PROS1: variants seen among roughly 807,000 people sequenced by gnomAD.
PROS1 encodes vitamin K-dependent protein S.
PROS1 carries 29 observed loss-of-function variants against 75.9 expected under a neutral mutation model. That is an observed-to-expected ratio of 0.38 (90% CI 0.28 to 0.52). PROS1 has a LOEUF of 0.52. PROS1 is among the 20% of genes least tolerant of loss of function. The pLI is 0.83. For synonymous variants in PROS1, 245 were observed against 280.6 expected (o/e 0.87, Z 1.27); for missense variants, 680 against 810.3 (o/e 0.84, Z 1.95).
chr3:93,952,698 A>G (rs1709523392), intron 1 of PROS1, among the ~76,000 whole-genome samples: 2 of 152,208 alleles, frequency 1.3e-5, no homozygotes. Context: ...CACATTCAAA[A>G]GCTAGCAGAA....
intron 2 of PROS1, among the ~76,000 whole-genome samples, chr3:93,926,208 T>C (rs994830100): frequency 6.6e-6 from 1 of 152,180 alleles, no homozygotes; most frequent in African/African-American, 2.4e-5. Context: ...TTGATTATTA[T>C]TAAAGGGGTG....
Position 93,973,762 on chromosome 3 carries a change from G to T in PROS1, c.-13C>A, listed in dbSNP as rs757989356. 17 of 1,607,880 alleles carry T rather than the reference G, an allele frequency of 1.1e-5. No homozygotes were observed. The highest frequency in any genetic ancestry group is 1.4e-5 in the Non-Finnish European group (16 of 1,177,326). ...CCAGGACCCTCATTTCGAAGCGCGC[G>T]GAGGCGCCGGCAGGGACGGTGGCGC... On this transcript the variant is annotated 5_prime_UTR_variant, in exon 1 of 15. Transcript: ENST00000394236.
chr3:93,912,567 C>A (rs1044854356), intron 3 of PROS1, among the ~76,000 whole-genome samples: 7 of 152,142 alleles, frequency 4.6e-5, no homozygotes, highest in Non-Finnish European at 1.0e-4. Context: ...GTTTCTGGAG[C>A]CCCTATCTGA....
At chr3:93,941,126 G>T (rs190294725) in intron 1 of PROS1, among the ~76,000 whole-genome samples, 30 of 152,192 alleles carry the variant, frequency 2.0e-4, no homozygotes, top group Admixed American at 1.4e-3. Context: ...AGGCTTCAGG[G>T]ACAGCCCTCA....
At chr3:93,905,212 T>C (rs759445410) in intron 6 of PROS1, among the ~76,000 whole-genome samples, 1 of 152,240 alleles carries the variant, frequency 6.6e-6, no homozygotes, top group Non-Finnish European at 1.5e-5. Context: ...AAGACTTGCA[T>C]TGAAACATCA....
At chr3:93,971,221 TG>T (rs1709875956) in intron 1 of PROS1, among the ~76,000 whole-genome samples, 1 of 151,484 alleles carries the variant, frequency 6.6e-6, no homozygotes, top group Non-Finnish European at 1.5e-5. Context: ...GCATGCCAGC[TG>T]GTGCAATACC....
At chr3:93,937,912 CT>C (rs955046281) in intron 1 of PROS1, among the ~76,000 whole-genome samples, 1 of 152,118 alleles carries the variant, frequency 6.6e-6, no homozygotes, top group Non-Finnish European at 1.5e-5. Flanking sequence ...AGGAAGAACC[CT>C]TTTGCCTAAA....
chr3:93,953,772 A>G (rs1709549004), intron 1 of PROS1, among the ~76,000 whole-genome samples: 1 of 152,310 alleles, frequency 6.6e-6, no homozygotes, highest in Middle Eastern at 3.4e-3. Flanking sequence ...AATTAGGAAA[A>G]GAGGAAGTCC....
At chr3:93,943,907 C>A (rs1709336238) in intron 1 of PROS1, among the ~76,000 whole-genome samples, 1 of 152,200 alleles carries the variant, frequency 6.6e-6, no homozygotes, top group South Asian at 2.1e-4. Context: ...ACCCTTTTGA[C>A]TGTAATTTTC....
chr3:93,900,049 A>C lies in PROS1; in HGVS notation c.727+755T>G, dbSNP rs1708565547. On this transcript the variant is annotated intron_variant, in intron 7 of 14. Coordinates refer to ENST00000394236, the MANE Select transcript of PROS1 (RefSeq NM_000313.4). ...TACAATAGAAAAATTAGTGTTGATT[A>C]GTTCCAGCCATGGCAGTAAATCTGT... Among the ~76,000 whole-genome samples the C allele has an allele frequency of 2.6e-5, 4 of 152,232 alleles. No individual in the cohort carries two copies. The South Asian group carries it at 8.3e-4, about 31-fold the overall frequency.
At chr3:93,898,272 A>G (rs531614035) in intron 8 of PROS1, among the ~76,000 whole-genome samples, 176 bp downstream of exon 8, 4 of 152,160 alleles carry the variant, frequency 2.6e-5, no homozygotes, top group Admixed American at 2.6e-4. Flanking sequence ...ATTATCCCCA[A>G]TGTTTATGAC....
At chr3:93,960,151 A>C (rs1477809504) in intron 1 of PROS1, among the ~76,000 whole-genome samples, 2 of 151,810 alleles carry the variant, frequency 1.3e-5, no homozygotes, top group Non-Finnish European at 2.9e-5. Flanking sequence ...AACTATTTGA[A>C]CTATAAGCAG....
At chr3:93,922,163 A>C (rs1245821490) in intron 3 of PROS1, among the ~76,000 whole-genome samples, 2 of 152,308 alleles carry the variant, frequency 1.3e-5, no homozygotes, top group Admixed American at 1.3e-4. Context: ...TCTTTAGAGA[A>C]GATTTGAAGG....
At chr3:93,962,281 C>T (rs572688709) in intron 1 of PROS1, among the ~76,000 whole-genome samples, 4 of 152,086 alleles carry the variant, frequency 2.6e-5, no homozygotes, top group East Asian at 3.9e-4. Context: ...GACAACCCAC[C>T]GATTTCTTCA....
rs558270781 is a variant in PROS1 at position 93,950,848 on chromosome 3, T to C, written c.76+22826A>G. 2.3e-3 allele frequency among the ~76,000 whole-genome samples: 343 copies of C among 151,986 alleles called. 1 individual carries two copies. The highest frequency in any genetic ancestry group is 7.8e-3 in the African/African-American group (324 of 41,432). On this transcript the variant is annotated intron_variant, in intron 1 of 14. Transcript: ENST00000394236. Reference sequence around the variant, plus strand: ...CTGGATGGACAATGACTTTGATGAGTTGAGAGAAGGCTTCAGACGATCAGT... The same window carrying C: ...CTGGATGGACAATGACTTTGATGAGCTGAGAGAAGGCTTCAGACGATCAGT...
At chr3:93,944,367 T>C (rs1417879625) in intron 1 of PROS1, among the ~76,000 whole-genome samples, 1 of 152,128 alleles carries the variant, frequency 6.6e-6, no homozygotes, top group Non-Finnish European at 1.5e-5. Flanking sequence ...AAAATATACA[T>C]TCTTCTCAGC....
rs530733031 is a variant in PROS1, at chr3:93,949,156, G to A, written c.77-21749C>T. 6.6e-5 allele frequency among the ~76,000 whole-genome samples: 10 copies of A among 152,276 alleles called. No homozygotes were observed. The East Asian group carries it at 1.9e-3, about 29-fold the overall frequency. On this transcript the variant is annotated intron_variant, in intron 1 of 14. Transcript: ENST00000394236. ...GTCCTTAAAGTCTCAGTAAGGGCCA[G>A]GACCAAGAATCATTCTCATCAACAT...
intron 1 of PROS1, among the ~76,000 whole-genome samples, chr3:93,954,561 A>G (rs1392112561): frequency 6.6e-6 from 1 of 152,198 alleles, no homozygotes; most frequent in African/African-American, 2.4e-5. Context: ...CTTACACCTT[A>G]TACAAAAATT....
intron 7 of PROS1, 86 bp downstream of exon 7, chr3:93,900,718 T>G: frequency 6.4e-7 from 1 of 1,568,588 alleles, no homozygotes; most frequent in Non-Finnish European, 8.7e-7. Flanking sequence ...ACTGTTGATG[T>G]CAAACAAAGC....
Sources: gnomAD v4.1 joint callset for allele counts (sites outside exome capture counted in the v4.1 genomes callset) on GRCh38, gnomAD v4.1.1 for gene constraint, MANE v1.5 for transcripts, NCBI Gene and HGNC (gene_info 2026-07-23, HGNC 2026-07-21) for gene names.